The following CPEB3 variants were observed in gnomAD, a reference collection of about 807,000 sequenced individuals.
CPEB3 encodes the protein cytoplasmic polyadenylation element binding protein 3.
In CPEB3, 20 loss-of-function variants were observed where a neutral mutation model predicts 67.2. That is an observed-to-expected ratio of 0.30 (90% CI 0.21 to 0.43). The LOEUF (loss-of-function observed/expected upper bound fraction) is 0.43, where lower values mean the gene tolerates loss of function less well. CPEB3 is among the 20% of genes least tolerant of loss of function. CPEB3 has a pLI of 1.00. For missense variants in CPEB3, 746 were observed against 968.6 expected (o/e 0.77, Z 3.05); for synonymous variants, 376 against 393.1 (o/e 0.96, Z 0.51).
chr10:92,245,207 G>C lies in CPEB3; in HGVS notation c.-11-4846C>G, dbSNP rs183920943. Among the ~76,000 whole-genome samples the C allele has an allele frequency of 2.7e-3, 365 of 137,516 alleles. 4 individuals carry two copies. The highest frequency in any genetic ancestry group is 9.6e-3 in the African/African-American group (345 of 36,036). 90.2% of individuals were successfully genotyped at this position (137,516 alleles called of 152,430 possible). A position where few individuals can be genotyped will look rare whatever the true frequency, so the allele number is the denominator to read the frequency against. Reference sequence around the variant, plus strand: ...GGCTGGAGTGCAGTGGTGTGATCTCGGCTCACTGCAACCTCCACCTCCCAG... The same window carrying C: ...GGCTGGAGTGCAGTGGTGTGATCTCCGCTCACTGCAACCTCCACCTCCCAG... On this transcript the variant is annotated intron_variant, in intron 1 of 9. Transcript: ENST00000265997.
At chr10:92,236,555 C>T (rs1482067260) in intron 2 of CPEB3, among the ~76,000 whole-genome samples, 5 of 152,090 alleles carry the variant, frequency 3.3e-5, no homozygotes, top group African/African-American at 1.2e-4. Context: ...CAAGACCAGC[C>T]TGGTCAATAT....
chr10:92,285,487 T>C (rs939371706), intron 1 of CPEB3, among the ~76,000 whole-genome samples: 1 of 152,102 alleles, frequency 6.6e-6, no homozygotes, highest in Admixed American at 6.6e-5. Context: ...GCCAGGCTGG[T>C]CTCGAACTCC....
intron 1 of CPEB3, among the ~76,000 whole-genome samples, chr10:92,271,471 T>C (rs967309985): frequency 2.0e-5 from 3 of 152,206 alleles, no homozygotes; most frequent in African/African-American, 7.2e-5. Flanking sequence ...TCTGGGACAG[T>C]TCCTCAGTCT....
At chr10:92,223,014 G>C (rs930557803) in intron 2 of CPEB3, among the ~76,000 whole-genome samples, 1 of 152,132 alleles carries the variant, frequency 6.6e-6, no homozygotes, top group African/African-American at 2.4e-5. Context: ...AGGATGGCAG[G>C]TTTCATTTCT....
At chr10:92,082,737 C>CA (rs1313393700) in intron 8 of CPEB3, among the ~76,000 whole-genome samples, 3 of 152,126 alleles carry the variant, frequency 2.0e-5, no homozygotes, top group Non-Finnish European at 2.9e-5. Flanking sequence ...AGGCTACTCA[C>CA]ATAATATAAG....
At chr10:92,162,805 T>G (rs917492743) in intron 4 of CPEB3, among the ~76,000 whole-genome samples, 2 of 152,188 alleles carry the variant, frequency 1.3e-5, no homozygotes, top group Non-Finnish European at 2.9e-5. Context: ...CTTATACATG[T>G]GACTCCCCAA....
chr10:92,100,650 G>T (rs1844137049), intron 7 of CPEB3, among the ~76,000 whole-genome samples: 1 of 151,938 alleles, frequency 6.6e-6, no homozygotes, highest in African/African-American at 2.4e-5. Context: ...AGAGTGCAGT[G>T]GCACGATCTC....
At chr10:92,053,975 C>A (rs1366438928) in intron 9 of CPEB3, among the ~76,000 whole-genome samples, 1 of 152,236 alleles carries the variant, frequency 6.6e-6, no homozygotes, top group African/African-American at 2.4e-5. Context: ...CGTAAGCCAC[C>A]ATGCCTGGTC....
intron 2 of CPEB3, among the ~76,000 whole-genome samples, chr10:92,209,571 A>T (rs1385781337): frequency 6.6e-6 from 1 of 152,144 alleles, no homozygotes; most frequent in Admixed American, 6.5e-5. Flanking sequence ...AGAGGCCGAA[A>T]CAATAAGCAA....
At chr10:92,256,869 C>CTAA (rs1949194463) in intron 1 of CPEB3, among the ~76,000 whole-genome samples, 1 of 152,182 alleles carries the variant, frequency 6.6e-6, no homozygotes, top group Admixed American at 6.5e-5. Context: ...TATTTGTTTA[C>CTAA]ACATCTGCCT....
chr10:92,057,513 C>T (rs1282417610), intron 9 of CPEB3, among the ~76,000 whole-genome samples: 1 of 152,216 alleles, frequency 6.6e-6, no homozygotes, highest in Non-Finnish European at 1.5e-5. Flanking sequence ...TGCCCAGAGG[C>T]TTGGGGAATC....
At chr10:92,230,150 T>G (rs886913464) in intron 2 of CPEB3, among the ~76,000 whole-genome samples, 1 of 152,216 alleles carries the variant, frequency 6.6e-6, no homozygotes, top group African/African-American at 2.4e-5. Flanking sequence ...TAAATGTTCA[T>G]TCATTCATTT....
chr10:92,178,212 G>A (rs1200178508), intron 4 of CPEB3, among the ~76,000 whole-genome samples: 1 of 150,134 alleles, frequency 6.7e-6, no homozygotes, highest in Admixed American at 6.7e-5. Flanking sequence ...GGGCTGGAGT[G>A]CAGTGGCGTG....
intron 6 of CPEB3, among the ~76,000 whole-genome samples, chr10:92,121,760 T>C (rs1418121794): frequency 2.0e-5 from 3 of 152,144 alleles, no homozygotes; most frequent in Non-Finnish European, 4.4e-5. Context: ...TGGTTTTGGA[T>C]TGAGACCAAC....
chr10:92,091,663 T>C (rs1341622461), intron 8 of CPEB3, among the ~76,000 whole-genome samples, 167 bp downstream of exon 8: 1 of 152,190 alleles, frequency 6.6e-6, no homozygotes, highest in Non-Finnish European at 1.5e-5. Flanking sequence ...ATAGAGCATT[T>C]TGGGAGAAAA....
chr10:92,159,122 G>A (rs1254325083), intron 4 of CPEB3, among the ~76,000 whole-genome samples: 1 of 151,324 alleles, frequency 6.6e-6, no homozygotes, highest in East Asian at 2.0e-4. Flanking sequence ...AATTGGCCGG[G>A]CGCGGTGGCT....
intron 9 of CPEB3, among the ~76,000 whole-genome samples, chr10:92,073,783 C>T (rs944057533): frequency 6.6e-6 from 1 of 151,896 alleles, no homozygotes; most frequent in African/African-American, 2.4e-5. Context: ...TCAGGAAGGG[C>T]GTCCAAAAAA....
chr10:92,118,320 C>T (rs1845144837), intron 6 of CPEB3, among the ~76,000 whole-genome samples: 1 of 152,006 alleles, frequency 6.6e-6, no homozygotes, highest in South Asian at 2.1e-4. Flanking sequence ...TTAGTAAAAA[C>T]GGGGTTTCAC....
chr10:92,190,721 T>G (rs887315564), intron 3 of CPEB3, among the ~76,000 whole-genome samples: 2 of 117,936 alleles, frequency 1.7e-5, no homozygotes, highest in South Asian at 3.2e-4. Flanking sequence ...AAAAACCAGA[T>G]AGTAGAGGGA....
Sources: gnomAD v4.1 joint callset for allele counts (sites outside exome capture counted in the v4.1 genomes callset) on GRCh38, gnomAD v4.1.1 for gene constraint, MANE v1.5 for transcripts, NCBI Gene and HGNC (gene_info 2026-07-23, HGNC 2026-07-21) for gene names.